The following HDX variants were observed in gnomAD, a reference collection of about 807,000 sequenced individuals.
The protein encoded by HDX is chromosome X open reading frame 43.
Under a neutral mutation model 45.2 loss-of-function variants are expected in HDX, and 19 were observed. The observed-to-expected ratio is 0.42, with a 90% CI of 0.29 to 0.62. HDX has a LOEUF of 0.62. Among genes scored for constraint, HDX ranks in the 20% least tolerant of loss-of-function variants. The pLI is 0.20. For missense variants in HDX, 532 were observed against 493.9 expected, an observed-to-expected ratio of 1.08 and a Z score of -0.73; for synonymous variants, 188 against 172.8, an observed-to-expected ratio of 1.09 and a Z score of -0.69.
chrX:84,358,911 T>C (rs1305856260), intron 6 of HDX, among the ~76,000 whole-genome samples: 2 of 111,125 alleles, frequency 1.8e-5, no homozygotes, highest in African/African-American at 6.6e-5. Context: ...GAGATGATCC[T>C]CCAGTGTGTG....
At position 84,361,656 on chromosome X, in the gene HDX, A is replaced by G. The variant is rs770935780; in HGVS notation, c.1306-44T>C. ...AATTGTTTTGAATTTTAAAGTTTAGAATAATCAAAGGAAATAATATTATAA... is the reference window on the plus strand; with the variant it reads ...AATTGTTTTGAATTTTAAAGTTTAGGATAATCAAAGGAAATAATATTATAA... On this transcript the variant is annotated intron_variant, in intron 5 of 10. Coordinates refer to ENST00000373177, the MANE Select transcript of HDX (RefSeq NM_001177479.2). The G allele has an allele frequency of 1.1e-5, 11 of 1,017,413 alleles. No individual in the cohort carries two copies. The East Asian group carries it at 1.4e-4, about 13-fold the overall frequency. The allele number at this position is 1,017,413 out of a possible 1,213,427, so 83.8% of individuals were successfully genotyped here.
chrX:84,475,317 A>G lies in HDX; in HGVS notation c.81T>C (p.Ser27=). The stretch of plus-strand genomic sequence containing the variant: ...GTAATATGAGCTGAAAGCAATTTTT[A>G]CTTTGATTTGTCATTCCATTTTCAT... ...RYYENGMTNQ[S]KNCFQLILQC... Residue 27 remains serine, a synonymous_variant, in exon 3 of 11, where the codon AGT becomes AGC. Transcript: ENST00000373177. The G allele has an allele frequency of 5.9e-6, 7 of 1,186,499 alleles. No individual in the cohort carries two copies. The highest frequency in any genetic ancestry group is 8.0e-6 in the Non-Finnish European group (7 of 875,405).
chrX:84,400,633 G>A (rs1481821346), intron 5 of HDX, among the ~76,000 whole-genome samples: 1 of 110,724 alleles, frequency 9.0e-6, no homozygotes, highest in Non-Finnish European at 1.9e-5. Flanking sequence ...TCTACCCAAA[G>A]TAATTTATAG....
intron 5 of HDX, among the ~76,000 whole-genome samples, chrX:84,401,791 G>A (rs1193365533): frequency 8.9e-6 from 1 of 112,103 alleles, no homozygotes; most frequent in Non-Finnish European, 1.9e-5. Flanking sequence ...CAAGAGCAAA[G>A]ACATGGAACC....
intron 4 of HDX, among the ~76,000 whole-genome samples, chrX:84,456,481 CA>C (rs1255225217): frequency 1.8e-5 from 2 of 109,940 alleles, no homozygotes; most frequent in East Asian, 5.8e-4. Context: ...AAGAGAAGAC[CA>C]CAAAATAACC....
intron 4 of HDX, among the ~76,000 whole-genome samples, chrX:84,467,306 C>G (rs1306613360): frequency 1.8e-5 from 2 of 111,071 alleles, no homozygotes; most frequent in Non-Finnish European, 3.8e-5. Flanking sequence ...TAAATCCAGA[C>G]AAATCTTAAG....
At position 84,351,010 on chromosome X, in the gene HDX, G is replaced by GCTAT. The variant is rs199956764; in HGVS notation, c.1453-6557_1453-6554dup. On this transcript the variant is annotated intron_variant, in intron 6 of 10. Coordinates refer to ENST00000373177, the MANE Select transcript of HDX (RefSeq NM_001177479.2). The stretch of plus-strand genomic sequence containing the variant: ...TATGACTTTTTAGTGATTGATCCAG[G>GCTAT]CTATCTATCTATCTATCTATCTATC... Among the ~76,000 whole-genome samples the GCTAT allele has an allele frequency of 9.5e-3, 1,010 of 105,958 alleles. 5 individuals carry two copies. Among genetic ancestry groups the GCTAT allele is most frequent in the Middle Eastern group, 0.015 (3 of 206 alleles). The allele number at this position is 105,958 out of a possible 115,157, so 92.0% of individuals were successfully genotyped here. A position where few individuals can be genotyped will look rare whatever the true frequency, so the allele number is the denominator to read the frequency against.
chrX:84,480,499 A>T (rs1436039374), intron 2 of HDX, among the ~76,000 whole-genome samples: 2 of 111,498 alleles, frequency 1.8e-5, no homozygotes, highest in Admixed American at 1.9e-4. Flanking sequence ...CATGCCTCTC[A>T]CCAGGTTAAA....
chrX:84,451,446 C>T (rs765964336), intron 4 of HDX, among the ~76,000 whole-genome samples: 20 of 110,175 alleles, frequency 1.8e-4, no homozygotes, highest in Non-Finnish European at 3.4e-4. Flanking sequence ...TTTCTGGACA[C>T]AAACAACCTA....
At chrX:84,440,500 C>T in intron 5 of HDX, 32 bp downstream of exon 5, 2 of 1,032,656 alleles carry the variant, frequency 1.9e-6, no homozygotes, top group Non-Finnish European at 2.7e-6. Flanking sequence ...AAGGGGAAAC[C>T]CATTTGCTGC....
intron 7 of HDX, among the ~76,000 whole-genome samples, chrX:84,337,993 C>A (rs1397878869): frequency 9.0e-6 from 1 of 111,078 alleles, no homozygotes; most frequent in African/African-American, 3.3e-5. Flanking sequence ...TTTGGCACAG[C>A]CATATCATGG....
intron 5 of HDX, among the ~76,000 whole-genome samples, chrX:84,418,578 G>A (rs770579443): frequency 3.6e-5 from 4 of 111,021 alleles, no homozygotes; most frequent in Admixed American, 9.5e-5. Flanking sequence ...GATTTGATCA[G>A]GCAGAAAAAA....
At chrX:84,349,602 T>C (rs756748239) in intron 6 of HDX, among the ~76,000 whole-genome samples, 85 of 85,454 alleles carry the variant, frequency 9.9e-4, no homozygotes, top group African/African-American at 4.4e-3. Flanking sequence ...TATGTTTATG[T>C]GTGTGTGTAT....
At chrX:84,382,371 G>C (rs949077955) in intron 5 of HDX, among the ~76,000 whole-genome samples, 4 of 111,381 alleles carry the variant, frequency 3.6e-5, no homozygotes, top group Admixed American at 9.5e-5. Context: ...AGGGAAATCA[G>C]TATATCTAAA....
chrX:84,368,198 A>G (rs1602324670), intron 5 of HDX, among the ~76,000 whole-genome samples: 1 of 111,583 alleles, frequency 9.0e-6, no homozygotes, highest in East Asian at 2.8e-4. Context: ...TATTGAACAT[A>G]TGCATTTATT....
intron 5 of HDX, among the ~76,000 whole-genome samples, chrX:84,419,555 T>C (rs1007675112): frequency 5.4e-5 from 6 of 112,144 alleles, no homozygotes; most frequent in African/African-American, 1.9e-4. Context: ...TATTGGACTC[T>C]AGTCCCTGTG....
chrX:84,486,194 T>C (rs1278995551), intron 2 of HDX, among the ~76,000 whole-genome samples: 2 of 111,580 alleles, frequency 1.8e-5, no homozygotes, highest in Non-Finnish European at 3.8e-5. Flanking sequence ...TAAGTGATTG[T>C]TTTAAGGATT....
chrX:84,397,472 A>G (rs943989408), intron 5 of HDX, among the ~76,000 whole-genome samples: 6 of 111,302 alleles, frequency 5.4e-5, no homozygotes, highest in African/African-American at 2.0e-4. Flanking sequence ...ATGGGTCAAG[A>G]GGCTCTTCCA....
chrX:84,384,639 G>T (rs1463941985), intron 5 of HDX, among the ~76,000 whole-genome samples: 1 of 107,739 alleles, frequency 9.3e-6, no homozygotes, highest in East Asian at 2.9e-4. Flanking sequence ...AAGTTTTCCT[G>T]TAAGATTTTT....
Sources: allele counts gnomAD v4.1 joint callset (sites outside exome capture counted in the v4.1 genomes callset), GRCh38; gene constraint gnomAD v4.1.1; transcripts MANE v1.5; gene names NCBI Gene and HGNC (gene_info 2026-07-23, HGNC 2026-07-21).